STIM1: variants seen among roughly 807,000 people sequenced by gnomAD.
The protein encoded by STIM1 is stromal interaction molecule 1.
STIM1 carries 25 observed loss-of-function variants against 74.7 expected under a neutral mutation model. The ratio of observed to expected loss-of-function variants is 0.33; its 90% CI spans 0.24 to 0.47. The LOEUF (loss-of-function observed/expected upper bound fraction) is 0.47, where lower values mean the gene tolerates loss of function less well. Among genes scored for constraint, STIM1 ranks in the 20% least tolerant of loss-of-function variants. STIM1 has a pLI of 1.00. For synonymous variants in STIM1, 328 were observed against 348.8 expected (o/e 0.94, Z 0.66); for missense variants, 728 against 920.8 (o/e 0.79, Z 2.71).
chr11:3,904,102 C>T (rs1486246319), intron 1 of STIM1, among the ~76,000 whole-genome samples: 2 of 142,984 alleles, frequency 1.4e-5, no homozygotes, highest in African/African-American at 5.1e-5. Flanking sequence ...GAGGCTGAGG[C>T]AGGAGAATTG....
intron 6 of STIM1, among the ~76,000 whole-genome samples, chr11:4,070,758 C>T (rs2094398396): frequency 6.6e-6 from 1 of 152,162 alleles, no homozygotes; most frequent in Admixed American, 6.5e-5. Context: ...AGAACACTTC[C>T]AACTCAGATG....
chr11:3,883,922 A>G (rs1316189599), intron 1 of STIM1, among the ~76,000 whole-genome samples: 1 of 152,054 alleles, frequency 6.6e-6, no homozygotes, highest in Non-Finnish European at 1.5e-5. Context: ...TGTGCCAGAA[A>G]CTCTGCTTGG....
At chr11:4,056,255 G>C (rs1044545477) in intron 4 of STIM1, among the ~76,000 whole-genome samples, 6 of 152,194 alleles carry the variant, frequency 3.9e-5, no homozygotes, top group African/African-American at 1.4e-4. Context: ...GGCTCCAACA[G>C]CTGTTGTTTC....
intron 1 of STIM1, among the ~76,000 whole-genome samples, chr11:3,960,001 C>G (rs1466884650): frequency 6.6e-6 from 1 of 152,152 alleles, no homozygotes. Flanking sequence ...AAGTAGAAAT[C>G]ATTAATTTTA....
chr11:3,954,499 G>T (rs1380325544), intron 1 of STIM1, among the ~76,000 whole-genome samples: 1 of 152,170 alleles, frequency 6.6e-6, no homozygotes, highest in Non-Finnish European at 1.5e-5. Flanking sequence ...TAGACATTGA[G>T]CAAATTATCA....
At chr11:4,070,699 A>G (rs781160914) in intron 6 of STIM1, among the ~76,000 whole-genome samples, 1 of 152,192 alleles carries the variant, frequency 6.6e-6, no homozygotes, top group African/African-American at 2.4e-5. Context: ...TTATTTCCTC[A>G]TTGGTAATAT....
intron 2 of STIM1, among the ~76,000 whole-genome samples, chr11:3,998,912 TA>T (rs1182295898): frequency 1.3e-5 from 2 of 152,228 alleles, no homozygotes; most frequent in Non-Finnish European, 2.9e-5. Context: ...ACTTTTTCTG[TA>T]AAGGATTAGA....
chr11:3,904,081 C>G (rs974686446), intron 1 of STIM1, among the ~76,000 whole-genome samples: 2 of 150,624 alleles, frequency 1.3e-5, no homozygotes, highest in Non-Finnish European at 3.0e-5. Context: ...CCTGTAATCT[C>G]AGCTAGACAG....
chr11:3,879,069 C>T (rs1417216345), intron 1 of STIM1, among the ~76,000 whole-genome samples: 1 of 152,114 alleles, frequency 6.6e-6, no homozygotes, highest in African/African-American at 2.4e-5. Flanking sequence ...AATTCTCCTG[C>T]CTCAGCCTCC....
At chr11:3,930,932 C>T (rs767475272) in intron 1 of STIM1, among the ~76,000 whole-genome samples, 1 of 152,188 alleles carries the variant, frequency 6.6e-6, no homozygotes, top group Non-Finnish European at 1.5e-5. Flanking sequence ...CAGGACACTG[C>T]CTCTCTGCCA....
intron 1 of STIM1, among the ~76,000 whole-genome samples, chr11:3,933,601 T>C (rs1392498010): frequency 2.0e-5 from 3 of 152,188 alleles, no homozygotes; most frequent in Non-Finnish European, 4.4e-5. Flanking sequence ...TTATTTGCCT[T>C]GCCTCCCTGT....
chr11:4,082,244 C>G lies in STIM1; in HGVS notation c.1030C>G (p.Pro344Ala). 2 of 1,614,056 alleles carry G rather than the reference C, an allele frequency of 1.2e-6. No individual in the cohort carries two copies. Among genetic ancestry groups the G allele is most frequent in the African/African-American group, 1.3e-5 (1 of 75,034 alleles). The change falls in exon 8 of 13, where the codon CCA (proline) becomes GCA (alanine). Residue 344 changes from proline to alanine, a missense_variant. By Grantham distance (27) the Pro-to-Ala change is conservative (BLOSUM62 -1). Coordinates refer to ENST00000526596, the MANE Select transcript of STIM1 (RefSeq NM_001382567.1). Reference protein sequence around the residue: ...ELESHSSWYAPEALQKWLQLT... With the variant: ...ELESHSSWYAAEALQKWLQLT... ...AGAATCTCACAGCTCATGGTATGCT[C>G]CAGAGGCCCTTCAGAAGTGGCTGCA...
intron 3 of STIM1, among the ~76,000 whole-genome samples, chr11:4,047,240 G>T (rs529253070): frequency 6.6e-6 from 1 of 152,260 alleles, no homozygotes; most frequent in East Asian, 1.9e-4. Context: ...ATCACTTTGG[G>T]AGGCTGAGGC....
At chr11:4,021,285 C>T (rs996386443) in intron 2 of STIM1, among the ~76,000 whole-genome samples, 1 of 152,082 alleles carries the variant, frequency 6.6e-6, no homozygotes, top group Non-Finnish European at 1.5e-5. Flanking sequence ...GCCACCATGC[C>T]CAGCTAATTT....
At chr11:4,016,958 C>T (rs2093904097) in intron 2 of STIM1, among the ~76,000 whole-genome samples, 1 of 152,322 alleles carries the variant, frequency 6.6e-6, no homozygotes, top group South Asian at 2.1e-4. Context: ...GTGCACTGTT[C>T]CACCAGGTAG....
chr11:3,933,919 C>T (rs573071367), intron 1 of STIM1, among the ~76,000 whole-genome samples: 1 of 152,262 alleles, frequency 6.6e-6, no homozygotes, highest in East Asian at 1.9e-4. Flanking sequence ...GTGGAAAGAG[C>T]CTCCCTCAGC....
chr11:4,062,943 C>T (rs1414938070), intron 5 of STIM1, among the ~76,000 whole-genome samples: 1 of 152,094 alleles, frequency 6.6e-6, no homozygotes, highest in Non-Finnish European at 1.5e-5. Flanking sequence ...GAATGAAGTA[C>T]TGATATATGC....
chr11:3,904,266 A>G (rs867084518), intron 1 of STIM1, among the ~76,000 whole-genome samples: 44 of 151,358 alleles, frequency 2.9e-4, no homozygotes, highest in African/African-American at 1.1e-3. Flanking sequence ...ATACTTAGCA[A>G]TATCAAAGAT....
At chr11:3,937,290 CAATAAT>C (rs5789317) in intron 1 of STIM1, among the ~76,000 whole-genome samples, 4 of 133,078 alleles carry the variant, frequency 3.0e-5, no homozygotes, top group South Asian at 5.5e-4. Flanking sequence ...GACTTCATCT[CAATAAT>C]AATAATAATA....
Sources: gnomAD v4.1 joint callset for allele counts (sites outside exome capture counted in the v4.1 genomes callset) on GRCh38, gnomAD v4.1.1 for gene constraint, MANE v1.5 for transcripts, NCBI Gene and HGNC (gene_info 2026-07-23, HGNC 2026-07-21) for gene names.